Variants in HMCN1 observed in about 807,000 individuals in gnomAD.
The protein encoded by HMCN1 is hemicentin 1.
A neutral mutation model predicts 625.9 loss-of-function variants in HMCN1; 321 were observed. The observed-to-expected ratio is 0.51, with a 90% CI of 0.47 to 0.56. The LOEUF (loss-of-function observed/expected upper bound fraction) is 0.56. HMCN1 is among the 20% of genes least tolerant of loss of function. HMCN1 has a pLI of 0.00. For missense variants in HMCN1, 6,588 were observed against 6,887.3 expected, an observed-to-expected ratio of 0.96 and a Z score of 1.54; for synonymous variants, 2,425 against 2,417.6, an observed-to-expected ratio of 1.00 and a Z score of -0.09.
At chr1:185,827,986 G>A (rs1348615162) in intron 1 of HMCN1, among the ~76,000 whole-genome samples, 1 of 152,128 alleles carries the variant, frequency 6.6e-6, no homozygotes, top group Non-Finnish European at 1.5e-5. Flanking sequence ...TTTATAACCA[G>A]CAAAAATGTT....
At chr1:185,794,181 CTT>C (rs978366990) in intron 1 of HMCN1, among the ~76,000 whole-genome samples, 10 of 151,976 alleles carry the variant, frequency 6.6e-5, no homozygotes, top group African/African-American at 2.2e-4. Flanking sequence ...GAAAAAAAAA[CTT>C]TTAAAAAATC....
intron 93 of HMCN1, among the ~76,000 whole-genome samples, chr1:186,148,729 A>T (rs1650484879): frequency 6.6e-6 from 1 of 151,562 alleles, no homozygotes; most frequent in Non-Finnish European, 1.5e-5. Context: ...CTGGTCTTGA[A>T]CTCCTCAAGT....
At chr1:186,025,606 A>C (rs1655011614) in intron 36 of HMCN1, among the ~76,000 whole-genome samples, 1 of 152,170 alleles carries the variant, frequency 6.6e-6, no homozygotes, top group Non-Finnish European at 1.5e-5. Context: ...CCATCAAATA[A>C]AGAGCAACAA....
At chr1:186,130,896 T>A (rs1415495414) in intron 85 of HMCN1, among the ~76,000 whole-genome samples, 199 bp downstream of exon 85, 2 of 152,334 alleles carry the variant, frequency 1.3e-5, no homozygotes, top group East Asian at 3.9e-4. Flanking sequence ...TGAGATAATG[T>A]GGCTGCCTTG....
intron 97 of HMCN1, among the ~76,000 whole-genome samples, chr1:186,155,696 T>C (rs59871993): frequency 0.012 from 1,847 of 152,314 alleles, 29 homozygotes; most frequent in African/African-American, 0.043. Flanking sequence ...GTATGACCTT[T>C]AAGGCCCCTT....
intron 4 of HMCN1, among the ~76,000 whole-genome samples, chr1:185,892,746 G>T (rs967221105): frequency 2.6e-5 from 4 of 152,124 alleles, no homozygotes; most frequent in Non-Finnish European, 5.9e-5. Context: ...AGTCTGCAGA[G>T]GTTACTGCCG....
intron 20 of HMCN1, among the ~76,000 whole-genome samples, chr1:185,987,865 A>AAAC (rs201908256): frequency 9.0e-4 from 137 of 152,192 alleles, no homozygotes; most frequent in African/African-American, 3.0e-3. Flanking sequence ...GTCCAAAAAA[A>AAAC]AAAAAACAAA....
chr1:186,027,681 G>T (rs1655148019), intron 36 of HMCN1, among the ~76,000 whole-genome samples: 1 of 152,082 alleles, frequency 6.6e-6, no homozygotes, highest in Non-Finnish European at 1.5e-5. Context: ...CAGCATAAAG[G>T]CTGTCTGGCA....
chr1:185,766,009 T>C (rs1056231986), intron 1 of HMCN1, among the ~76,000 whole-genome samples: 20 of 152,182 alleles, frequency 1.3e-4, no homozygotes, highest in African/African-American at 4.8e-4. Context: ...CATATCCTTA[T>C]GACTACCTCC....
chr1:185,869,030 G>C (rs1219236112), intron 4 of HMCN1, among the ~76,000 whole-genome samples: 1 of 152,094 alleles, frequency 6.6e-6, no homozygotes, highest in Admixed American at 6.5e-5. Flanking sequence ...ATCCATCATA[G>C]CAATTCTAAC....
rs899257324 is a variant in HMCN1 at position 186,177,089 on chromosome 1, G to C, written c.15944-1327G>C. On this transcript the variant is annotated intron_variant, in intron 103 of 106. Transcript: ENST00000271588. ...GGAGGTCGAGGCGGGTGGATCACGAGGTCAGGAGATCAAGACCATCCTGGC... is the reference window on the plus strand; with the variant it reads ...GGAGGTCGAGGCGGGTGGATCACGACGTCAGGAGATCAAGACCATCCTGGC... 19 of 149,644 alleles carry C rather than the reference G, an allele frequency of 1.3e-4. 1 individual carries two copies. The highest frequency in any genetic ancestry group is 3.0e-5 in the Non-Finnish European group (2 of 67,774). The allele number at this position is 149,644 out of a possible 1,614,324, so 9.3% of individuals were successfully genotyped here. A position where few individuals can be genotyped will look rare whatever the true frequency, so the allele number is the denominator to read the frequency against.
At position 186,015,264 on chromosome 1, in the gene HMCN1, T is replaced by C; in HGVS notation, c.4736T>C (p.Ile1579Thr). Residue 1579 changes from isoleucine (I) to threonine (T), a missense_variant, in exon 31 of 107, where the codon ATT (isoleucine) becomes ACT (threonine). Transcript: ENST00000271588. ...CETRGLPMPA[I>T]TWYKDGQPIM... ...ACACGGGGACTTCCAATGCCTGCCA[T>C]TACTTGGTATAAGGACGGGCAGCCA... 1 of 1,613,802 alleles carries C rather than the reference T, an allele frequency of 6.2e-7. No homozygotes were observed. The highest frequency in any genetic ancestry group is 8.5e-7 in the Non-Finnish European group (1 of 1,179,804).
chr1:185,975,311 AG>A (rs1191832892), intron 15 of HMCN1, among the ~76,000 whole-genome samples: 3 of 152,186 alleles, frequency 2.0e-5, no homozygotes. Context: ...ACCGTTCTGC[AG>A]GCTCTACAGA....
chr1:185,908,283 A>G (rs1196164057), intron 4 of HMCN1, among the ~76,000 whole-genome samples: 1 of 151,956 alleles, frequency 6.6e-6, no homozygotes, highest in Non-Finnish European at 1.5e-5. Context: ...CACAGTATTT[A>G]TTGCTTGGTT....
At chr1:185,800,583 C>T (rs999450662) in intron 1 of HMCN1, among the ~76,000 whole-genome samples, 1 of 151,958 alleles carries the variant, frequency 6.6e-6, no homozygotes, top group Non-Finnish European at 1.5e-5. Flanking sequence ...ACATAGGAAA[C>T]ACTTATTAAA....
intron 51 of HMCN1, among the ~76,000 whole-genome samples, chr1:186,070,173 T>TA (rs1658395536): frequency 6.6e-6 from 1 of 152,210 alleles, no homozygotes; most frequent in South Asian, 2.1e-4. Flanking sequence ...CATTGACCTA[T>TA]AAATAAAAAG....
chr1:186,001,755 C>T lies in HMCN1; in HGVS notation c.4348+14C>T, dbSNP rs749111770. On this transcript the variant is annotated intron_variant, in intron 28 of 106. Transcript: ENST00000271588. Reference sequence around the variant, plus strand: ...TTGATGTGCTAGGTAAGAAATACATCCTTTTAAAAAACTACAATTCAGAAG... The same window carrying T: ...TTGATGTGCTAGGTAAGAAATACATTCTTTTAAAAAACTACAATTCAGAAG... 6.2e-7 allele frequency: 1 copy of T among 1,605,672 alleles called. No homozygotes were observed. The highest frequency in any genetic ancestry group is 8.5e-7 in the Non-Finnish European group (1 of 1,173,062).
Position 185,863,331 on chromosome 1 carries a change from G to A in HMCN1, c.340-1139G>A, listed in dbSNP as rs1239621800. Among the ~76,000 whole-genome samples, 7 of 152,136 alleles carry A rather than the reference G, an allele frequency of 4.6e-5. No homozygotes were observed. The South Asian group carries it at 6.2e-4, about 14-fold the overall frequency. Reference sequence around the variant, plus strand: ...TGTTGGATGCCCAAATCTCAGCAGGGTGTTCAGCAATTATGTATTAATTGC... The same window carrying A: ...TGTTGGATGCCCAAATCTCAGCAGGATGTTCAGCAATTATGTATTAATTGC... On this transcript the variant is annotated intron_variant, in intron 2 of 106. Transcript: ENST00000271588.
chr1:186,111,802 C>A (rs913469691), intron 71 of HMCN1, among the ~76,000 whole-genome samples: 19 of 152,066 alleles, frequency 1.2e-4, no homozygotes, highest in Admixed American at 2.0e-4. Context: ...TCACTAATAG[C>A]CCCAATAGAA....
Sources: allele counts gnomAD v4.1 joint callset (sites outside exome capture counted in the v4.1 genomes callset), GRCh38; gene constraint gnomAD v4.1.1; transcripts MANE v1.5; gene names NCBI Gene and HGNC (gene_info 2026-07-23, HGNC 2026-07-21).